Variants in PTDSS1 observed in about 807,000 individuals in gnomAD.
PTDSS1 encodes the protein phosphatidylserine synthase 1, also known as PSS-1.
A neutral mutation model predicts 70.5 loss-of-function variants in PTDSS1; 45 were observed. The observed-to-expected ratio is 0.64, with a 90% CI of 0.50 to 0.82. The LOEUF is 0.82. Among genes scored for constraint, PTDSS1 ranks in the 40% least tolerant of loss-of-function variants. The probability of loss-of-function intolerance (pLI) is 0.00; values close to 1 mark genes in which losing one functional copy is unlikely to be tolerated. For missense variants in PTDSS1, 417 were observed against 586.1 expected, an observed-to-expected ratio of 0.71 and a Z score of 2.98; for synonymous variants, 188 against 203.8, an observed-to-expected ratio of 0.92 and a Z score of 0.66.
chr8:96,282,587 C>T (rs935231059), intron 2 of PTDSS1, among the ~76,000 whole-genome samples: 5 of 152,188 alleles, frequency 3.3e-5, no homozygotes, highest in Admixed American at 1.3e-4. Flanking sequence ...AACTCACCAT[C>T]CGAACTGCCA....
At chr8:96,293,150 T>C (rs1810930780) in intron 4 of PTDSS1, among the ~76,000 whole-genome samples, 1 of 152,268 alleles carries the variant, frequency 6.6e-6, no homozygotes, top group African/African-American at 2.4e-5. Flanking sequence ...TCTGTAGTCG[T>C]AAGCTAGATG....
At chr8:96,313,636 G>A (rs1306798148) in intron 9 of PTDSS1, among the ~76,000 whole-genome samples, 1 of 152,176 alleles carries the variant, frequency 6.6e-6, no homozygotes, top group Non-Finnish European at 1.5e-5. Context: ...GCATGGGGTG[G>A]GCCCTCATGG....
intron 9 of PTDSS1, among the ~76,000 whole-genome samples, chr8:96,317,263 G>A (rs894814360): frequency 6.6e-6 from 1 of 151,668 alleles, no homozygotes; most frequent in Non-Finnish European, 1.5e-5. Context: ...CCATGCCCAG[G>A]CCTCAGTCTG....
At chr8:96,325,100 T>G (rs1401426063) in intron 10 of PTDSS1, among the ~76,000 whole-genome samples, 1 of 152,206 alleles carries the variant, frequency 6.6e-6, no homozygotes, top group African/African-American at 2.4e-5. Flanking sequence ...CTAAGCACTG[T>G]CATGAATTCC....
intron 6 of PTDSS1, among the ~76,000 whole-genome samples, chr8:96,301,872 T>G (rs1291842718): frequency 6.6e-6 from 1 of 152,188 alleles, no homozygotes; most frequent in Non-Finnish European, 1.5e-5. Context: ...GTCTCAAATT[T>G]ATTTTGGTAT....
chr8:96,312,231 G>T (rs1811222873), intron 9 of PTDSS1, among the ~76,000 whole-genome samples: 1 of 152,182 alleles, frequency 6.6e-6, no homozygotes, highest in African/African-American at 2.4e-5. Context: ...TGGGAGGATC[G>T]CTTGACGCCC....
chr8:96,290,147 G>A (rs192542150), intron 4 of PTDSS1, among the ~76,000 whole-genome samples: 20 of 152,210 alleles, frequency 1.3e-4, no homozygotes, highest in Admixed American at 3.3e-4. Flanking sequence ...TCTCTCTGGC[G>A]TCAAAACCTG....
In PTDSS1 at chr8:96,276,976, G is replaced by GCACA. The variant is rs1278729372; in HGVS notation, c.271+3587_271+3588insACAC. Among the ~76,000 whole-genome samples, 436 of 107,602 alleles carry GCACA rather than the reference G, an allele frequency of 4.1e-3. 5 individuals are homozygous for GCACA. The highest frequency in any genetic ancestry group is 0.012 in the African/African-American group (408 of 33,424). The allele number at this position is 107,602 out of a possible 152,430, so 70.6% of individuals were successfully genotyped here. A position where few individuals can be genotyped will look rare whatever the true frequency, so the allele number is the denominator to read the frequency against. On this transcript the variant is annotated intron_variant, in intron 2 of 12. Coordinates refer to ENST00000517309, the MANE Select transcript of PTDSS1 (RefSeq NM_014754.3). ...CCCGGGCACATACACGCGCGCACGC[G>GCACA]CGCGCACACACACACACACACACAC...
At chr8:96,289,455 A>G (rs1247133429) in intron 4 of PTDSS1, among the ~76,000 whole-genome samples, 2 of 152,228 alleles carry the variant, frequency 1.3e-5, no homozygotes, top group Non-Finnish European at 2.9e-5. Context: ...AGATATTAGA[A>G]CAAAAGATGC....
chr8:96,272,533 G>C (rs542527264), intron 1 of PTDSS1, among the ~76,000 whole-genome samples: 8 of 152,230 alleles, frequency 5.3e-5, no homozygotes, highest in Non-Finnish European at 1.0e-4. Context: ...TCATGAGATA[G>C]CTTGGCTTGG....
chr8:96,278,966 G>GCC (rs550080828), intron 2 of PTDSS1, among the ~76,000 whole-genome samples: 4,618 of 136,508 alleles, frequency 0.034, 394 homozygotes, highest in African/African-American at 0.13. Flanking sequence ...ACACCATTCA[G>GCC]CCCCCCTTTT....
In PTDSS1 at chr8:96,332,091, C is replaced by A. The variant is rs149221495; in HGVS notation, c.1312+996C>A. Among the ~76,000 whole-genome samples, 17 of 139,940 alleles carry A rather than the reference C, an allele frequency of 1.2e-4. No homozygotes were observed. In the East Asian group the frequency reaches 3.3e-3, roughly 27 times the overall value. The allele number at this position is 139,940 out of a possible 152,430, so 91.8% of individuals were successfully genotyped here. On this transcript the variant is annotated intron_variant, in intron 12 of 12. Transcript: ENST00000517309. ...GAAAAGCCTTTCAAAAGAGGGGGAT[C>A]ATTTTAATGGCATTTATTCAAGAGG... is the stretch of plus-strand genomic sequence containing the variant.
At chr8:96,311,836 T>C (rs1811216161) in intron 9 of PTDSS1, among the ~76,000 whole-genome samples, 1 of 152,184 alleles carries the variant, frequency 6.6e-6, no homozygotes, top group Admixed American at 6.5e-5. Context: ...TCCCGCTTCA[T>C]GTGTGAGGGC....
At chr8:96,298,700 T>A (rs1811009427) in intron 5 of PTDSS1, among the ~76,000 whole-genome samples, 1 of 152,182 alleles carries the variant, frequency 6.6e-6, no homozygotes, top group African/African-American at 2.4e-5. Flanking sequence ...GAATGTTTTT[T>A]TCCACCATAC....
At chr8:96,320,064 T>G (rs907672413) in intron 9 of PTDSS1, among the ~76,000 whole-genome samples, 182 bp from the exon 10 acceptor site, 9 of 152,222 alleles carry the variant, frequency 5.9e-5, no homozygotes, top group African/African-American at 2.2e-4. Flanking sequence ...AAATACTTTA[T>G]TATTTCCGAA....
intron 12 of PTDSS1, 25 bp from the exon 13 acceptor site, chr8:96,333,432 G>C: frequency 6.3e-7 from 1 of 1,578,182 alleles, no homozygotes; most frequent in Non-Finnish European, 8.7e-7. Context: ...CCAGGGTGAC[G>C]GTGTGCTCTG....
At chr8:96,284,854 T>G (rs1378994599) in intron 3 of PTDSS1, among the ~76,000 whole-genome samples, 1 of 152,240 alleles carries the variant, frequency 6.6e-6, no homozygotes, top group Non-Finnish European at 1.5e-5. Context: ...CTATTTTTCT[T>G]TCAGCCTTCA....
chr8:96,282,253 T>C (rs1410359855), intron 2 of PTDSS1, among the ~76,000 whole-genome samples: 1 of 152,208 alleles, frequency 6.6e-6, no homozygotes, highest in Non-Finnish European at 1.5e-5. Flanking sequence ...GAGGAGCATT[T>C]GGAAGTGAAA....
At chr8:96,264,605 TA>T (rs1810461112) in intron 1 of PTDSS1, among the ~76,000 whole-genome samples, 1 of 152,214 alleles carries the variant, frequency 6.6e-6, no homozygotes, top group Non-Finnish European at 1.5e-5. Context: ...TATTTTGTTT[TA>T]AATAATGAGA....
Sources: gnomAD v4.1 joint callset for allele counts (sites outside exome capture counted in the v4.1 genomes callset) on GRCh38, gnomAD v4.1.1 for gene constraint, MANE v1.5 for transcripts, NCBI Gene and HGNC (gene_info 2026-07-23, HGNC 2026-07-21) for gene names.